DOK6: variants seen among roughly 807,000 people sequenced by gnomAD.
The protein encoded by DOK6 is downstream of tyrosine kinase 6.
A neutral mutation model predicts 44.0 loss-of-function variants in DOK6; 22 were observed. That is an observed-to-expected ratio of 0.50 (90% CI 0.36 to 0.71). DOK6 has a LOEUF of 0.71. Among genes scored for constraint, DOK6 ranks in the 30% least tolerant of loss-of-function variants. DOK6 has a pLI of 0.00. For missense variants in DOK6, 340 were observed against 416.4 expected (o/e 0.82, Z 1.60); for synonymous variants, 166 against 145.5 (o/e 1.14, Z -1.01).
At chr18:69,672,670 T>C (rs950395559) in intron 3 of DOK6, among the ~76,000 whole-genome samples, 2 of 146,928 alleles carry the variant, frequency 1.4e-5, no homozygotes, top group African/African-American at 5.0e-5. Flanking sequence ...GTTTGTGTTT[T>C]AACTGGTTTC....
chr18:69,576,418 A>T (rs1433478930), intron 2 of DOK6, among the ~76,000 whole-genome samples: 1 of 151,996 alleles, frequency 6.6e-6, no homozygotes, highest in Non-Finnish European at 1.5e-5. Context: ...GCAATAAATT[A>T]AAATAATCAA....
At chr18:69,411,817 A>G (rs981703250) in intron 1 of DOK6, among the ~76,000 whole-genome samples, 1 of 152,102 alleles carries the variant, frequency 6.6e-6, no homozygotes, top group Non-Finnish European at 1.5e-5. Flanking sequence ...CTCGTATGTA[A>G]GGAAGCAGAT....
At position 69,758,081 on chromosome 18, in the gene DOK6, A is replaced by G. The variant is rs74349711; in HGVS notation, c.856+208A>G. 1.1e-3 allele frequency among the ~76,000 whole-genome samples: 170 copies of G among 152,372 alleles called. 2 individuals carry two copies. In the East Asian group the frequency reaches 0.031, roughly 27 times the overall value. ...ACTCATGGTAAAAAATATTTCAAAA[A>G]TTACTGTGAGGGCTAAGGACCCCAT... is the stretch of plus-strand genomic sequence containing the variant. On this transcript the variant is annotated intron_variant, in intron 7 of 7. Coordinates refer to ENST00000382713, the MANE Select transcript of DOK6 (RefSeq NM_152721.6).
At chr18:69,837,128 G>A (rs1982076220) in intron 7 of DOK6, among the ~76,000 whole-genome samples, 1 of 152,312 alleles carries the variant, frequency 6.6e-6, no homozygotes, top group Admixed American at 6.5e-5. Context: ...GTATGTCATA[G>A]TGAATGTCTT....
At position 69,595,659 on chromosome 18, in the gene DOK6, T is replaced by C. The variant is rs567660354; in HGVS notation, c.175-3725T>C. Among the ~76,000 whole-genome samples the C allele has an allele frequency of 5.3e-5, 8 of 152,328 alleles. 1 individual carries two copies. In the South Asian group the frequency reaches 1.7e-3, roughly 32 times the overall value. Reference sequence around the variant, plus strand: ...ATTCATGTTTCTCTGATAGGAGTTCTTTTCAAACTGATGTCTTATCCTTCT... The same window carrying C: ...ATTCATGTTTCTCTGATAGGAGTTCCTTTCAAACTGATGTCTTATCCTTCT... On this transcript the variant is annotated intron_variant, in intron 2 of 7. Transcript: ENST00000382713.
intron 1 of DOK6, among the ~76,000 whole-genome samples, chr18:69,531,316 G>A (rs1016258348): frequency 1.0e-3 from 153 of 148,066 alleles, no homozygotes; most frequent in African/African-American, 3.7e-3. Context: ...ATGAAAGAAG[G>A]GGTATTTTCT....
At chr18:69,666,623 A>G (rs1312426186) in intron 3 of DOK6, among the ~76,000 whole-genome samples, 14 of 152,016 alleles carry the variant, frequency 9.2e-5, no homozygotes, top group Non-Finnish European at 1.8e-4. Context: ...TTGCTATTAT[A>G]TTGGCCTATT....
rs565488171 is a variant in DOK6 at position 69,535,891 on chromosome 18, G to A, written c.67-28596G>A. Among the ~76,000 whole-genome samples the A allele has an allele frequency of 2.0e-5, 3 of 152,136 alleles. No individual in the cohort carries two copies. The East Asian group carries it at 5.8e-4, about 29-fold the overall frequency. On this transcript the variant is annotated intron_variant, in intron 1 of 7. Coordinates refer to ENST00000382713, the MANE Select transcript of DOK6 (RefSeq NM_152721.6). ...TATCAGCCAAATACCAACGTAACAA[G>A]TATAACTTCCTAAAAATGAATGGTC...
intron 7 of DOK6, among the ~76,000 whole-genome samples, chr18:69,784,425 A>G (rs1980370949): frequency 6.6e-6 from 1 of 151,636 alleles, no homozygotes. Context: ...TATATAAATA[A>G]ATTATTCTCA....
intron 1 of DOK6, among the ~76,000 whole-genome samples, chr18:69,545,540 A>G (rs1332893707): frequency 2.7e-5 from 4 of 150,426 alleles, no homozygotes; most frequent in Middle Eastern, 3.2e-3. Flanking sequence ...AAAAGAAAAG[A>G]AAAAACACTT....
At chr18:69,473,669 A>C (rs1195990530) in intron 1 of DOK6, among the ~76,000 whole-genome samples, 1 of 152,204 alleles carries the variant, frequency 6.6e-6, no homozygotes, top group Admixed American at 6.5e-5. Context: ...GGTCATATGC[A>C]GGGATTTTTG....
rs1982205493 is a variant in DOK6 at position 69,841,168 on chromosome 18, A to AGATAGAT, written c.857-68_857-62dup. On this transcript the variant is annotated intron_variant, in intron 7 of 7. Transcript: ENST00000382713. ...TTAAAAATATAGATAGATAGATAATAGATAGATGATAGATAGTGTATCTTT... is the reference window on the plus strand; with the variant it reads ...TTAAAAATATAGATAGATAGATAATAGATAGATGATAGATGATAGATAGTGTATCTTT... The AGATAGAT allele has an allele frequency of 3.2e-6, 5 of 1,557,060 alleles. No homozygotes were observed. In the South Asian group the frequency reaches 5.7e-5, roughly 18 times the overall value.
At chr18:69,577,715 CG>C (rs1385998540) in intron 2 of DOK6, among the ~76,000 whole-genome samples, 2 of 152,094 alleles carry the variant, frequency 1.3e-5, no homozygotes. Flanking sequence ...ATGGAAAACT[CG>C]AAACCAGAGA....
At chr18:69,834,268 G>T (rs1452134611) in intron 7 of DOK6, among the ~76,000 whole-genome samples, 2 of 152,294 alleles carry the variant, frequency 1.3e-5, no homozygotes, top group East Asian at 3.9e-4. Flanking sequence ...AGTGAAATAA[G>T]CCAGGCACAA....
intron 4 of DOK6, among the ~76,000 whole-genome samples, chr18:69,679,971 A>T (rs1020756832): frequency 6.6e-6 from 1 of 152,156 alleles, no homozygotes; most frequent in Non-Finnish European, 1.5e-5. Context: ...ACATACACAC[A>T]CAAGTCAAAA....
intron 1 of DOK6, among the ~76,000 whole-genome samples, chr18:69,404,583 A>G (rs778062356): frequency 1.6e-4 from 25 of 152,330 alleles, no homozygotes; most frequent in Non-Finnish European, 3.4e-4. Context: ...TTAGACTGCT[A>G]TACCTTGACT....
rs181498462 is a variant in DOK6 at position 69,795,639 on chromosome 18, A to C, written c.856+37766A>C. ...TTTAACAAATGTTTACTAAGCACCA[A>C]CTGTGTGCTAGGCAAAAGGCCAGGC... On this transcript the variant is annotated intron_variant, in intron 7 of 7. Coordinates refer to ENST00000382713, the MANE Select transcript of DOK6 (RefSeq NM_152721.6). Among the ~76,000 whole-genome samples the C allele has an allele frequency of 2.0e-5, 3 of 152,238 alleles. No homozygotes were observed. In the East Asian group the frequency reaches 5.8e-4, roughly 29 times the overall value.
At chr18:69,833,639 G>A (rs1981963509) in intron 7 of DOK6, among the ~76,000 whole-genome samples, 1 of 152,042 alleles carries the variant, frequency 6.6e-6, no homozygotes, top group South Asian at 2.1e-4. Context: ...AAGAATGGGA[G>A]AAGATATTCC....
chr18:69,751,414 G>A (rs568226161), intron 6 of DOK6, among the ~76,000 whole-genome samples: 2 of 152,210 alleles, frequency 1.3e-5, no homozygotes, highest in South Asian at 2.1e-4. Flanking sequence ...GATACAAGAG[G>A]AAATGGACAG....
Sources: gnomAD v4.1 joint callset for allele counts (sites outside exome capture counted in the v4.1 genomes callset) on GRCh38, gnomAD v4.1.1 for gene constraint, MANE v1.5 for transcripts, NCBI Gene and HGNC (gene_info 2026-07-23, HGNC 2026-07-21) for gene names.